KIF15: variants seen among roughly 807,000 people sequenced by gnomAD.
KIF15 encodes the protein kinesin-like protein KIF15.
KIF15 carries 140 observed loss-of-function variants against 190.6 expected under a neutral mutation model. The ratio of observed to expected loss-of-function variants is 0.73; its 90% CI spans 0.64 to 0.84. KIF15 has a LOEUF of 0.84. KIF15 is among the 40% of genes least tolerant of loss of function. The pLI, the probability that KIF15 is intolerant of heterozygous loss-of-function variation, is 0.00. For missense variants in KIF15, 1,372 were observed against 1,584.4 expected (o/e 0.87, Z 2.28); for synonymous variants, 528 against 551.3 (o/e 0.96, Z 0.59).
At position 44,828,276 on chromosome 3, in the gene KIF15, G is replaced by C; in HGVS notation, c.2919G>C (p.Leu973=). Residue 973 remains leucine (L), a synonymous_variant, in exon 24 of 35, where the codon CTG becomes CTC. Transcript: ENST00000326047. ...LLATEKVISS[L]EKSRDSDKKV... is the part of the protein sequence containing the mutation. ...CTACTGAAAAAGTGATCAGTTCCCT[G>C]GAAAAGTCTAGAGATTCTGATAAGG... 6.2e-7 allele frequency: 1 copy of C among 1,612,740 alleles called. No individual in the cohort carries two copies. The highest frequency in any genetic ancestry group is 8.5e-7 in the Non-Finnish European group (1 of 1,178,830).
At chr3:44,845,769 G>A (rs1698821899) in intron 30 of KIF15, among the ~76,000 whole-genome samples, 1 of 152,154 alleles carries the variant, frequency 6.6e-6, no homozygotes, top group South Asian at 2.1e-4. Context: ...CCCTGCAACA[G>A]AGCTTATCAC....
chr3:44,796,813 G>A (rs1707009819), intron 8 of KIF15, among the ~76,000 whole-genome samples: 1 of 151,988 alleles, frequency 6.6e-6, no homozygotes, highest in Non-Finnish European at 1.5e-5. Context: ...CCTCAAATAA[G>A]TTCATCAGTG....
At chr3:44,812,573 A>T (rs1164590317) in intron 18 of KIF15, among the ~76,000 whole-genome samples, 1 of 152,226 alleles carries the variant, frequency 6.6e-6, no homozygotes, top group African/African-American at 2.4e-5. Flanking sequence ...ATGTGTTTAG[A>T]AGAAACCAAG....
chr3:44,818,976 G>C (rs1310602919), intron 20 of KIF15, among the ~76,000 whole-genome samples: 1 of 152,172 alleles, frequency 6.6e-6, no homozygotes, highest in Non-Finnish European at 1.5e-5. Context: ...TCTTGGGAGG[G>C]TGTATGTGTC....
At chr3:44,864,301 C>G in intron 6 of KIF15, 1 of 1,614,188 alleles carries the variant, frequency 6.2e-7, no homozygotes, top group South Asian at 1.1e-5. Context: ...TGTCTTCAGC[C>G]ATTGCATCTG....
intron 8 of KIF15, 65 bp from the exon 9 acceptor site, chr3:44,797,486 T>C: frequency 1.3e-6 from 2 of 1,549,814 alleles, no homozygotes; most frequent in South Asian, 2.3e-5. Context: ...AGATATATTT[T>C]CATTCAAAAT....
chr3:44,798,832 T>C (rs140202648), intron 10 of KIF15, among the ~76,000 whole-genome samples: 5 of 152,312 alleles, frequency 3.3e-5, no homozygotes, highest in African/African-American at 1.2e-4. Flanking sequence ...TGACACTTTA[T>C]GTCTGGAGAT....
chr3:44,840,224 C>T (rs547791385), intron 27 of KIF15, 131 bp from the exon 28 acceptor site: 24 of 560,564 alleles, frequency 4.3e-5, no homozygotes, highest in Middle Eastern at 3.4e-4. Flanking sequence ...CTATCAGGTG[C>T]GAAGTGATAT....
At chr3:44,800,579 A>T (rs931412820) in intron 11 of KIF15, 142 bp downstream of exon 11, 19 of 768,658 alleles carry the variant, frequency 2.5e-5, no homozygotes, top group Non-Finnish European at 3.4e-5. Flanking sequence ...CTATATAGGA[A>T]CATAGTGGTT....
intron 6 of KIF15, among the ~76,000 whole-genome samples, chr3:44,866,520 A>G (rs1208510578): frequency 6.6e-6 from 1 of 152,130 alleles, no homozygotes; most frequent in Non-Finnish European, 1.5e-5. Context: ...GGGCCCTCTC[A>G]GCTCTCCTGA....
chr3:44,856,948 G>A (rs1699195849), downstream of KIF15, among the ~76,000 whole-genome samples: 1 of 152,200 alleles, frequency 6.6e-6, no homozygotes, highest in Non-Finnish European at 1.5e-5. Context: ...TTGCTGAGAG[G>A]TAGTGGAGGA....
At chr3:44,865,451 C>T in intron 6 of KIF15, 1 of 453,930 alleles carries the variant, frequency 2.2e-6, no homozygotes, top group Non-Finnish European at 4.0e-6. Flanking sequence ...GCTGGAGATC[C>T]TGGGGTTGGT....
rs7633302 is a variant in KIF15, at chr3:44,843,306, T to C, written c.3695+72T>C. ...TGTGTGGAGTTAAATGAGGTTGGAA[T>C]TGGTTTCACAGGTTTCCCAAGGTGT... On this transcript the variant is annotated intron_variant, in intron 30 of 34. Transcript: ENST00000326047. 5.1e-3 allele frequency: 5,133 copies of C among 1,011,022 alleles called. 120 individuals are homozygous for C. The African/African-American group carries it at 0.064, about 13-fold the overall frequency. 62.6% of individuals were successfully genotyped at this position (1,011,022 alleles called of 1,614,324 possible). A position where few individuals can be genotyped will look rare whatever the true frequency, so the allele number is the denominator to read the frequency against.
At position 44,826,501 on chromosome 3, in the gene KIF15, T is replaced by G. The variant is rs1697661375; in HGVS notation, c.2786+41T>G. On this transcript the variant is annotated intron_variant, in intron 22 of 34. Coordinates refer to ENST00000326047, the MANE Select transcript of KIF15 (RefSeq NM_020242.3). ...TTTTTCTACTAGCATACTAGAATAT[T>G]GTTTAATACCACATTCTTAATCTTG... 2.3e-6 allele frequency: 3 copies of G among 1,295,192 alleles called. No homozygotes were observed. The East Asian group carries it at 7.0e-5, about 30-fold the overall frequency. The allele number at this position is 1,295,192 out of a possible 1,614,324, so 80.2% of individuals were successfully genotyped here. A position where few individuals can be genotyped will look rare whatever the true frequency, so the allele number is the denominator to read the frequency against.
downstream of KIF15, among the ~76,000 whole-genome samples, chr3:44,855,828 G>A (rs553497094): frequency 1.1e-4 from 16 of 152,268 alleles, no homozygotes; most frequent in African/African-American, 3.8e-4. Context: ...TTGGGAGGAC[G>A]CAGGACATCC....
intron 6 of KIF15, among the ~76,000 whole-genome samples, 170 bp from the exon 7 acceptor site, chr3:44,786,224 CA>C (rs1437879110): frequency 6.6e-6 from 1 of 151,836 alleles, no homozygotes; most frequent in African/African-American, 2.4e-5. Flanking sequence ...TCAAACAAAA[CA>C]AAAAAACTAT....
At chr3:44,803,046 G>A (rs1254677644) in intron 14 of KIF15, 55 bp downstream of exon 14, 6 of 1,496,328 alleles carry the variant, frequency 4.0e-6, no homozygotes, top group South Asian at 1.4e-5. Context: ...GTTTTAAAGA[G>A]CATTTTTAGT....
intron 13 of KIF15, among the ~76,000 whole-genome samples, chr3:44,802,452 G>A (rs1425173841): frequency 6.6e-6 from 1 of 151,926 alleles, no homozygotes; most frequent in Non-Finnish European, 1.5e-5. Flanking sequence ...ACACTTTTTT[G>A]CACTTCGCCT....
At chr3:44,839,464 A>G in intron 27 of KIF15, among the ~76,000 whole-genome samples, 1 of 152,214 alleles carries the variant, frequency 6.6e-6, no homozygotes, top group East Asian at 1.9e-4. Context: ...TCATAGGTTT[A>G]TTTTAATATC....
Sources: gnomAD v4.1 joint callset for allele counts (sites outside exome capture counted in the v4.1 genomes callset) on GRCh38, gnomAD v4.1.1 for gene constraint, MANE v1.5 for transcripts, NCBI Gene and HGNC (gene_info 2026-07-23, HGNC 2026-07-21) for gene names.